The following DLG2 variants were observed in gnomAD, a reference collection of about 807,000 sequenced individuals.
DLG2 encodes discs large MAGUK scaffold protein 2.
A neutral mutation model predicts 132.5 loss-of-function variants in DLG2; 45 were observed. The observed-to-expected ratio is 0.34, with a 90% CI of 0.27 to 0.44. The LOEUF (loss-of-function observed/expected upper bound fraction) is 0.44, where lower values mean the gene tolerates loss of function less well. Among genes scored for constraint, DLG2 ranks in the 20% least tolerant of loss-of-function variants. The pLI is 1.00. For missense variants in DLG2, 1,045 were observed against 1,196.9 expected (o/e 0.87, Z 1.87); for synonymous variants, 424 against 419.6 (o/e 1.01, Z -0.13).
chr11:84,985,524 T>C (rs1365565503), intron 6 of DLG2, among the ~76,000 whole-genome samples: 1 of 151,598 alleles, frequency 6.6e-6, no homozygotes, highest in Non-Finnish European at 1.5e-5. Flanking sequence ...CATCAAAAAG[T>C]CTGAAAGAGC....
rs142021173 is a variant in DLG2 at position 84,733,266 on chromosome 11, G to C, written c.358-198535C>G. Among the ~76,000 whole-genome samples, 143 of 152,180 alleles carry C rather than the reference G, an allele frequency of 9.4e-4. 1 individual carries two copies. In the East Asian group the frequency reaches 0.024, roughly 25 times the overall value. ...GTTTACAGACCCACCAACAGTGTAA[G>C]AGTGTTCCTATTTCTGCACATCCTC... is the stretch of plus-strand genomic sequence containing the variant. On this transcript the variant is annotated intron_variant, in intron 6 of 27. Coordinates refer to ENST00000376104, the MANE Select transcript of DLG2 (RefSeq NM_001142699.3).
intron 11 of DLG2, among the ~76,000 whole-genome samples, chr11:84,028,354 G>C (rs1420292053): frequency 6.6e-6 from 1 of 151,926 alleles, no homozygotes; most frequent in Admixed American, 6.6e-5. Flanking sequence ...TATGAATTTT[G>C]ACTATTTGGC....
At chr11:83,699,488 A>G (rs901549141) in intron 18 of DLG2, among the ~76,000 whole-genome samples, 1 of 151,250 alleles carries the variant, frequency 6.6e-6, no homozygotes, top group African/African-American at 2.4e-5. Flanking sequence ...CGAGGTCAGG[A>G]GATCGAGACC....
chr11:84,567,245 A>T (rs185554971), intron 6 of DLG2, among the ~76,000 whole-genome samples: 6 of 152,332 alleles, frequency 3.9e-5, no homozygotes, highest in African/African-American at 1.4e-4. Context: ...GATGGTTATT[A>T]TTATAATGCC....
chr11:84,048,837 G>GA (rs934231078), intron 11 of DLG2, among the ~76,000 whole-genome samples: 27 of 147,072 alleles, frequency 1.8e-4, no homozygotes, highest in Admixed American at 1.4e-3. Context: ...ACTTGTTAAA[G>GA]AAAAAAAAAC....
intron 6 of DLG2, among the ~76,000 whole-genome samples, chr11:85,099,891 C>T (rs968042064): frequency 1.3e-5 from 2 of 152,114 alleles, no homozygotes; most frequent in Non-Finnish European, 1.5e-5. Context: ...TGCACTGGAC[C>T]TGGCACTCCA....
At chr11:84,956,079 T>C (rs561727722) in intron 6 of DLG2, among the ~76,000 whole-genome samples, 21 of 152,330 alleles carry the variant, frequency 1.4e-4, no homozygotes, top group Admixed American at 1.2e-3. Flanking sequence ...CTGTGGTTTA[T>C]GATTTCAGAT....
intron 4 of DLG2, among the ~76,000 whole-genome samples, chr11:85,185,111 G>T (rs1193663807): frequency 6.6e-6 from 1 of 151,710 alleles, no homozygotes; most frequent in Admixed American, 6.6e-5. Flanking sequence ...TTTATATTGT[G>T]AGCATTTGTA....
At chr11:85,443,604 T>C (rs2091884524) in intron 3 of DLG2, among the ~76,000 whole-genome samples, 1 of 152,224 alleles carries the variant, frequency 6.6e-6, no homozygotes, top group African/African-American at 2.4e-5. Flanking sequence ...TGTTTCTTCA[T>C]GTGTGAAATA....
intron 19 of DLG2, among the ~76,000 whole-genome samples, chr11:83,560,775 C>CTATT (rs2142817829): frequency 6.6e-6 from 1 of 152,280 alleles, no homozygotes; most frequent in Non-Finnish European, 1.5e-5. Context: ...GGGGAAAAAA[C>CTATT]TATTTCCCAC....
At chr11:84,092,096 G>A (rs1276876440) in intron 10 of DLG2, among the ~76,000 whole-genome samples, 3 of 152,172 alleles carry the variant, frequency 2.0e-5, no homozygotes, top group African/African-American at 7.2e-5. Context: ...AAATGATTAG[G>A]GGACTTAATT....
intron 14 of DLG2, among the ~76,000 whole-genome samples, chr11:83,954,304 T>C (rs2086248587): frequency 6.6e-6 from 1 of 152,204 alleles, no homozygotes; most frequent in African/African-American, 2.4e-5. Context: ...TCTAGTAGGA[T>C]AGTTCTATGA....
At chr11:85,579,778 C>G (rs916280805) in intron 3 of DLG2, among the ~76,000 whole-genome samples, 7 of 152,114 alleles carry the variant, frequency 4.6e-5, no homozygotes, top group Admixed American at 2.6e-4. Context: ...CCTCTGCCTC[C>G]TGAGTTCAAG....
At chr11:84,028,543 A>G (rs2095604476) in intron 11 of DLG2, among the ~76,000 whole-genome samples, 1 of 152,128 alleles carries the variant, frequency 6.6e-6, no homozygotes, top group South Asian at 2.1e-4. Flanking sequence ...AACTCAACAG[A>G]TGCAAACACA....
intron 4 of DLG2, among the ~76,000 whole-genome samples, chr11:85,186,885 A>G (rs61907834): frequency 0.017 from 2,648 of 152,220 alleles, 39 homozygotes; most frequent in South Asian, 0.031. Context: ...ATGCCTATTA[A>G]CAGTAAGTTA....
chr11:83,650,255 GA>G (rs1366926830), intron 18 of DLG2, among the ~76,000 whole-genome samples: 1 of 152,180 alleles, frequency 6.6e-6, no homozygotes, highest in Non-Finnish European at 1.5e-5. Flanking sequence ...TTGAGATGGG[GA>G]GATTTTCCTG....
chr11:85,254,397 G>T (rs1303578398), intron 4 of DLG2, among the ~76,000 whole-genome samples: 1 of 152,060 alleles, frequency 6.6e-6, no homozygotes, highest in African/African-American at 2.4e-5. Context: ...GAAAAATATT[G>T]GACAGACTTG....
At chr11:85,585,493 A>G (rs945780068) in intron 3 of DLG2, among the ~76,000 whole-genome samples, 20 of 152,110 alleles carry the variant, frequency 1.3e-4, no homozygotes, top group African/African-American at 3.6e-4. Context: ...TCTTGTTTCA[A>G]TTCTCAAGGG....
chr11:85,369,444 A>T (rs556899811), intron 3 of DLG2, among the ~76,000 whole-genome samples: 244 of 149,106 alleles, frequency 1.6e-3, no homozygotes, highest in Non-Finnish European at 2.1e-3. Context: ...CCCCTTCTCT[A>T]CCCCGTCAGC....
Sources: gnomAD v4.1 joint callset for allele counts (sites outside exome capture counted in the v4.1 genomes callset) on GRCh38, gnomAD v4.1.1 for gene constraint, MANE v1.5 for transcripts, NCBI Gene and HGNC (gene_info 2026-07-23, HGNC 2026-07-21) for gene names.